Variants in MAP3K21 observed in about 807,000 individuals in gnomAD.
MAP3K21 encodes the protein mitogen-activated protein kinase kinase kinase 21.
In MAP3K21, 63 loss-of-function variants were observed where a neutral mutation model predicts 86.1. The ratio of observed to expected loss-of-function variants is 0.73; its 90% CI spans 0.60 to 0.90. MAP3K21 has a LOEUF of 0.90. Ranked by LOEUF, MAP3K21 falls within the 40% of genes least tolerant of loss-of-function variation. The pLI is 0.00. For missense variants in MAP3K21, 1,220 were observed against 1,367.7 expected, an observed-to-expected ratio of 0.89 and a Z score of 1.70; for synonymous variants, 558 against 564.8, an observed-to-expected ratio of 0.99 and a Z score of 0.17.
chr1:233,349,432 C>T (rs1244079949), intron 2 of MAP3K21, among the ~76,000 whole-genome samples: 2 of 151,962 alleles, frequency 1.3e-5, no homozygotes, highest in Non-Finnish European at 2.9e-5. Context: ...TATGTAATTA[C>T]CAGGTATACG....
intron 4 of MAP3K21, among the ~76,000 whole-genome samples, chr1:233,358,002 C>G (rs905053502): frequency 6.6e-6 from 1 of 151,788 alleles, no homozygotes; most frequent in Non-Finnish European, 1.5e-5. Context: ...CCTCACCCCC[C>G]ACCAGGAACT....
intron 5 of MAP3K21, among the ~76,000 whole-genome samples, chr1:233,368,480 C>A (rs1663621608): frequency 6.6e-6 from 1 of 151,978 alleles, no homozygotes; most frequent in South Asian, 2.1e-4. Flanking sequence ...ATGGTGAAAC[C>A]CCATTTCTAC....
intron 1 of MAP3K21, among the ~76,000 whole-genome samples, chr1:233,338,245 T>G (rs1314462962): frequency 6.6e-6 from 1 of 152,230 alleles, no homozygotes; most frequent in African/African-American, 2.4e-5. Flanking sequence ...TCACATCTGT[T>G]TTTTCTTTAC....
intron 2 of MAP3K21, among the ~76,000 whole-genome samples, chr1:233,349,022 A>C (rs1054589208): frequency 6.6e-6 from 1 of 152,218 alleles, no homozygotes; most frequent in Admixed American, 6.5e-5. Context: ...TGCATTTAAA[A>C]TTATGATTTA....
At chr1:233,339,797 T>G (rs1027287228) in intron 1 of MAP3K21, among the ~76,000 whole-genome samples, 3 of 152,160 alleles carry the variant, frequency 2.0e-5, no homozygotes, top group Admixed American at 6.5e-5. Context: ...AGTCTTCATT[T>G]CTTAATGTCC....
intron 2 of MAP3K21, among the ~76,000 whole-genome samples, chr1:233,350,484 C>G (rs1401063193): frequency 1.3e-5 from 2 of 152,116 alleles, no homozygotes; most frequent in Non-Finnish European, 2.9e-5. Context: ...GCTGTAAAGT[C>G]TCTTTCGATG....
intron 9 of MAP3K21, among the ~76,000 whole-genome samples, chr1:233,382,101 T>C (rs1663926936): frequency 6.6e-6 from 1 of 152,224 alleles, no homozygotes; most frequent in South Asian, 2.1e-4. Context: ...CTCTAGAGGC[T>C]AAGGCAGAGT....
chr1:233,330,573 C>A (rs542902152), intron 1 of MAP3K21, among the ~76,000 whole-genome samples: 1 of 152,116 alleles, frequency 6.6e-6, no homozygotes, highest in Non-Finnish European at 1.5e-5. Flanking sequence ...TCTGCAGAAC[C>A]AGGTATTTTA....
chr1:233,335,043 A>G (rs1662886973), intron 1 of MAP3K21, among the ~76,000 whole-genome samples: 1 of 151,670 alleles, frequency 6.6e-6, no homozygotes, highest in Non-Finnish European at 1.5e-5. Context: ...ACTACTTCCA[A>G]AATTGGAAAA....
In MAP3K21 at chr1:233,354,836, A is replaced by G. The variant is rs140478096; in HGVS notation, c.1136A>G (p.Glu379Gly). ...CPEPFAKLMK[E>G]CWQQDPHIRP... ...TTAATGTGATTTTTGTTTATTTTAGAATGCTGGCAACAAGACCCTCATATT... is the reference window on the plus strand; with the variant it reads ...TTAATGTGATTTTTGTTTATTTTAGGATGCTGGCAACAAGACCCTCATATT... The change falls in exon 4 of 10, where the codon GAA becomes GGA. Residue 379 changes from glutamate to glycine, a missense_variant and splice_region_variant. Glu to Gly is a moderately conservative substitution (Grantham distance 98). This residue lies in a region of MAP3K21 where 126 missense variants were observed against 127.7 expected (regional missense o/e 0.99). Transcript: ENST00000366624. 3.7e-6 allele frequency: 6 copies of G among 1,613,072 alleles called. No homozygotes were observed. The highest frequency in any genetic ancestry group is 1.3e-5 in the African/African-American group (1 of 74,746).
chr1:233,342,978 G>C (rs564603695), intron 1 of MAP3K21, among the ~76,000 whole-genome samples: 57 of 152,230 alleles, frequency 3.7e-4, no homozygotes, highest in South Asian at 3.5e-3. Context: ...CTAAATTTCA[G>C]TTACAAGATG....
intron 1 of MAP3K21, among the ~76,000 whole-genome samples, chr1:233,341,590 T>C (rs1052089413): frequency 2.0e-5 from 3 of 152,190 alleles, no homozygotes; most frequent in African/African-American, 7.2e-5. Context: ...TCTGCTAATA[T>C]CATACGCTGC....
intron 6 of MAP3K21, among the ~76,000 whole-genome samples, chr1:233,375,034 T>C (rs1446028423): frequency 2.0e-5 from 3 of 151,732 alleles, no homozygotes; most frequent in African/African-American, 7.3e-5. Flanking sequence ...TTCTGCCACC[T>C]GGGTTCAAGC....
chr1:233,378,498 G>C (rs1489614999), intron 8 of MAP3K21, among the ~76,000 whole-genome samples: 2 of 152,192 alleles, frequency 1.3e-5, no homozygotes, highest in African/African-American at 2.4e-5. Context: ...ATCTGCTACA[G>C]AACAGTTAGT....
In MAP3K21 at chr1:233,382,853, C is replaced by T. The variant is rs1239061895; in HGVS notation, c.*142C>T. 1 of 687,800 alleles carries T rather than the reference C, an allele frequency of 1.5e-6. No individual in the cohort carries two copies. Among genetic ancestry groups the T allele is most frequent in the Non-Finnish European group, 2.4e-6 (1 of 420,936 alleles). 42.6% of individuals were successfully genotyped at this position (687,800 alleles called of 1,614,324 possible). A position where few individuals can be genotyped will look rare whatever the true frequency, so the allele number is the denominator to read the frequency against. On this transcript the variant is annotated 3_prime_UTR_variant, in exon 10 of 10. Coordinates refer to ENST00000366624, the MANE Select transcript of MAP3K21 (RefSeq NM_032435.3). ...AATTAGTAAGATATATCCAGCTTCT[C>T]AAAAAATGTATATGATTGCTGTTAG...
chr1:233,374,602 A>G (rs1663753413), intron 6 of MAP3K21, among the ~76,000 whole-genome samples: 1 of 152,176 alleles, frequency 6.6e-6, no homozygotes, highest in Non-Finnish European at 1.5e-5. Context: ...ACAAAGTGAT[A>G]TAAAGGAGTT....
At position 233,328,199 on chromosome 1, in the gene MAP3K21, G is replaced by T; in HGVS notation, c.171G>T (p.Leu57=). 6.7e-7 allele frequency: 1 copy of T among 1,487,132 alleles called. No homozygotes were observed. The highest frequency in any genetic ancestry group is 8.9e-7 in the Non-Finnish European group (1 of 1,126,706). The allele number at this position is 1,487,132 out of a possible 1,614,324, so 92.1% of individuals were successfully genotyped here. Residue 57 remains leucine (L), a synonymous_variant, in exon 1 of 10, where the codon CTG becomes CTT. Coordinates refer to ENST00000366624, the MANE Select transcript of MAP3K21 (RefSeq NM_032435.3). The surrounding 1 kb of genome is among the most constrained non-coding windows in gnomAD (Gnocchi z 8.7). Reference sequence around the variant, plus strand: ...ACGAGGCTCGCGGCGAGGACGAGCTGAGCCTGCGGCGCGGCCAGCTGGTGG... The same window carrying T: ...ACGAGGCTCGCGGCGAGGACGAGCTTAGCCTGCGGCGCGGCCAGCTGGTGG... ...YDYEARGEDE[L]SLRRGQLVEV...
chr1:233,378,264 C>T (rs191178764), intron 8 of MAP3K21, among the ~76,000 whole-genome samples: 40 of 152,286 alleles, frequency 2.6e-4, no homozygotes, highest in African/African-American at 8.4e-4. Context: ...TCCTCTTAAG[C>T]GGGTATAATT....
intron 5 of MAP3K21, among the ~76,000 whole-genome samples, chr1:233,367,885 C>G (rs985366636): frequency 6.7e-6 from 1 of 148,804 alleles, no homozygotes; most frequent in Admixed American, 6.7e-5. Context: ...AGAATGTTTT[C>G]TTTCTGTTTA....
Sources: allele counts gnomAD v4.1 joint callset (sites outside exome capture counted in the v4.1 genomes callset), GRCh38; gene constraint gnomAD v4.1.1; regional missense constraint gnomAD v4.1.1; non-coding constraint Gnocchi (gnomAD v3.1); transcripts MANE v1.5; gene names NCBI Gene and HGNC (gene_info 2026-07-23, HGNC 2026-07-21).